Variants in IL2RB observed in about 807,000 individuals in gnomAD.
IL2RB encodes the protein interleukin-2 receptor subunit beta.
A neutral mutation model predicts 44.2 loss-of-function variants in IL2RB; 17 were observed. That is an observed-to-expected ratio of 0.38 (90% CI 0.26 to 0.58). IL2RB has a LOEUF of 0.58. Among genes scored for constraint, IL2RB ranks in the 20% least tolerant of loss-of-function variants. IL2RB has a pLI of 0.63. For missense variants in IL2RB, 624 were observed against 685.5 expected (o/e 0.91, Z 1.00); for synonymous variants, 286 against 297.9 (o/e 0.96, Z 0.41).
rs1017892718 is a variant in IL2RB, at chr22:37,136,286, G to A, written c.645C>T (p.Gly215=). The change falls in exon 7 of 10, where the codon GGC becomes GGT. Residue 215 remains glycine, a synonymous_variant. Coordinates refer to ENST00000216223, the MANE Select transcript of IL2RB (RefSeq NM_000878.5). ...EFQVRVKPLQ[G]EFTTWSPWSQ... ...TCCAGGGGCTCCAGGTCGTGAACTC[G>A]CCTTGCAGAGGCTTGACCCGCACCT... is the stretch of plus-strand genomic sequence containing the variant. 8 of 1,612,832 alleles carry A rather than the reference G, an allele frequency of 5.0e-6. No homozygotes were observed. The highest frequency in any genetic ancestry group is 2.2e-5 in the East Asian group (1 of 44,858).
At chr22:37,160,512 A>G (rs1922820946) in intron 1 of IL2RB, among the ~76,000 whole-genome samples, 1 of 152,230 alleles carries the variant, frequency 6.6e-6, no homozygotes, top group African/African-American at 2.4e-5. Flanking sequence ...CTCCAGCTAC[A>G]GGAGAAATGG....
chr22:37,143,719 C>A, intron 2 of IL2RB, 84 bp from the exon 3 acceptor site: 1 of 930,534 alleles, frequency 1.1e-6, no homozygotes, highest in Non-Finnish European at 1.8e-6. Context: ...GCACCTGGCA[C>A]CCACACCTGC....
In IL2RB at chr22:37,145,706, C is replaced by T. The variant is rs1387962740; in HGVS notation, c.-33-1501G>A. ...GCTTCCAGGGAAAGATGAGGGTAGC[C>T]TCAGTCAGAGGGGCAGGGGGAGAGG... On this transcript the variant is annotated intron_variant, in intron 1 of 9. Transcript: ENST00000216223. Among the ~76,000 whole-genome samples, 3 of 151,954 alleles carry T rather than the reference C, an allele frequency of 2.0e-5. 1 individual carries two copies. The highest frequency in any genetic ancestry group is 4.1e-4 in the South Asian group (2 of 4,820).
intron 1 of IL2RB, among the ~76,000 whole-genome samples, chr22:37,173,428 T>C (rs1923353257): frequency 6.6e-6 from 1 of 152,232 alleles, no homozygotes; most frequent in South Asian, 2.1e-4. Flanking sequence ...AATTATTGAT[T>C]GGGTAAACAA....
At chr22:37,153,932 C>G (rs115421838), upstream of IL2RB, among the ~76,000 whole-genome samples, 706 of 152,342 alleles carry the variant, frequency 4.6e-3, 8 homozygotes, top group African/African-American at 0.016. Flanking sequence ...CAGCATCAGT[C>G]TGCCTGGCAC....
intron 1 of IL2RB, among the ~76,000 whole-genome samples, chr22:37,174,738 T>C (rs2145746586): frequency 6.6e-6 from 1 of 152,322 alleles, no homozygotes; most frequent in East Asian, 1.9e-4. Context: ...AAATCCCAAG[T>C]CACAGCGATT....
At position 37,128,642 on chromosome 22, in the gene IL2RB, C is replaced by T. The variant is rs761319106; in HGVS notation, c.1110G>A (p.Pro370=). 2.5e-5 allele frequency: 41 copies of T among 1,613,972 alleles called. No homozygotes were observed. The highest frequency in any genetic ancestry group is 2.3e-4 in the African/African-American group (17 of 74,920). The change falls in exon 10 of 10, where the codon CCG becomes CCA. Residue 370 remains proline, a synonymous_variant. Coordinates refer to ENST00000216223, the MANE Select transcript of IL2RB (RefSeq NM_000878.5). This position sits in a 1 kb window ranked among gnomAD's most constrained non-coding sequence, Gnocchi z 4.5. ...GGCAGGCCTCTATCTCCAAGGCATC[C>T]GGGAGGTGGAAGAAGAAGTAACCCT... ...TNQGYFFFHL[P]DALEIEACQV... is the part of the protein sequence containing the mutation.
In IL2RB at chr22:37,142,901, C is replaced by T. The variant is rs1402140561; in HGVS notation, c.204-389G>A. Reference sequence around the variant, plus strand: ...ACCCAGAAGCCAGGGCCCGAACCTGCCTTACCCCTCCATCTCCCTCCCCAT... The same window carrying T: ...ACCCAGAAGCCAGGGCCCGAACCTGTCTTACCCCTCCATCTCCCTCCCCAT... On this transcript the variant is annotated intron_variant, in intron 3 of 9. Transcript: ENST00000216223. 13 of 363,226 alleles carry T rather than the reference C, an allele frequency of 3.6e-5. No homozygotes were observed. In the Admixed American group the frequency reaches 5.0e-4, roughly 14 times the overall value. 22.5% of individuals were successfully genotyped at this position (363,226 alleles called of 1,614,324 possible).
At chr22:37,174,565 C>G (rs568630406) in intron 1 of IL2RB, among the ~76,000 whole-genome samples, 1 of 152,316 alleles carries the variant, frequency 6.6e-6, no homozygotes, top group South Asian at 2.1e-4. Flanking sequence ...AAACCGGTTA[C>G]GTCATTCTTC....
At chr22:37,161,857 A>G (rs536311063) in intron 1 of IL2RB, 2 of 152,328 alleles carry the variant, frequency 1.3e-5, no homozygotes, top group African/African-American at 2.4e-5. Flanking sequence ...GGCTTCCCCA[A>G]TCAGAAGCCT....
Position 37,136,400 on chromosome 22 carries a change from C to T in IL2RB, c.538-7G>A, listed in dbSNP as rs1306348930. The T allele has an allele frequency of 6.9e-6, 11 of 1,605,234 alleles. No individual in the cohort carries two copies. The highest frequency in any genetic ancestry group is 3.4e-5 in the Admixed American group (2 of 59,128). On this transcript the variant is annotated splice_polypyrimidine_tract_variant and splice_region_variant and intron_variant, in intron 6 of 9. Transcript: ENST00000216223. ...GAGTCAGCAGGGGGGCCTCCTGGGTCGGAGACAGGACTGTCAGCGCCCACC... is the reference window on the plus strand; with the variant it reads ...GAGTCAGCAGGGGGGCCTCCTGGGTTGGAGACAGGACTGTCAGCGCCCACC...
chr22:37,142,384 G>A, intron 4 of IL2RB, 50 bp downstream of exon 4: 4 of 1,544,120 alleles, frequency 2.6e-6, no homozygotes, highest in South Asian at 1.1e-5. Flanking sequence ...GCAGCCCGGA[G>A]CTGGGAGACC....
At chr22:37,168,621 C>T (rs1031882676) in intron 1 of IL2RB, among the ~76,000 whole-genome samples, 4 of 152,204 alleles carry the variant, frequency 2.6e-5, no homozygotes, top group Non-Finnish European at 5.9e-5. Flanking sequence ...AGCCATCACC[C>T]ACAGTTCCTG....
At position 37,143,596 on chromosome 22, in the gene IL2RB, T is replaced by C. The variant is rs756309404; in HGVS notation, c.128A>G (p.Asn43Ser). The change falls in exon 3 of 10, where the codon AAC becomes AGC. Residue 43 changes from asparagine (N) to serine (S), a missense_variant. Asn to Ser is a conservative substitution (Grantham distance 46). Transcript: ENST00000216223. ...ATCTTGGCTCCAGACACAGGAGATG[T>C]TGGCTCTCGAGTTGTAGAAGCATGT... ...QFTCFYNSRA[N>S]ISCVWSQDGA... 6 of 1,614,050 alleles carry C rather than the reference T, an allele frequency of 3.7e-6. No individual in the cohort carries two copies. The highest frequency in any genetic ancestry group is 1.7e-5 in the Admixed American group (1 of 60,010).
rs763830083 is a variant in IL2RB, at chr22:37,142,493, C to G, written c.223G>C (p.Glu75Gln). 52 of 1,614,172 alleles carry G rather than the reference C, an allele frequency of 3.2e-5. No homozygotes were observed. The South Asian group carries it at 5.4e-4, about 17-fold the overall frequency. The change falls in exon 4 of 10, where the codon GAG (glutamate) becomes CAG (glutamine). Residue 75 changes from glutamate to glutamine, a missense_variant. Transcript: ENST00000216223. ...GATGCTTGACTCACGGGGAGCAGCT[C>G]ACAGGTTTGGTTCCACCGCCTTTCA... ...PDRRRWNQTC[E>Q]LLPVSQASWA...
At chr22:37,158,786 A>G (rs934996341) in intron 1 of IL2RB, among the ~76,000 whole-genome samples, 7 of 152,254 alleles carry the variant, frequency 4.6e-5, no homozygotes, top group Non-Finnish European at 7.3e-5. Flanking sequence ...CCACTCAGGC[A>G]GGAATCCCTG....
At chr22:37,140,623 G>C (rs1279977476) in intron 4 of IL2RB, among the ~76,000 whole-genome samples, 3 of 152,112 alleles carry the variant, frequency 2.0e-5, no homozygotes, top group Non-Finnish European at 4.4e-5. Flanking sequence ...GATTTTATCA[G>C]CTACACTGTG....
At chr22:37,168,424 C>T (rs1923151892) in intron 1 of IL2RB, among the ~76,000 whole-genome samples, 1 of 152,208 alleles carries the variant, frequency 6.6e-6, no homozygotes, top group Non-Finnish European at 1.5e-5. Flanking sequence ...GGCATCGGTG[C>T]TGTGGGCAGT....
intron 1 of IL2RB, among the ~76,000 whole-genome samples, chr22:37,169,308 G>A (rs529599351): frequency 1.5e-4 from 23 of 151,564 alleles, no homozygotes; most frequent in Non-Finnish European, 2.8e-4. Flanking sequence ...AGGGGTTCTT[G>A]TTTACACGTT....
Sources: allele counts gnomAD v4.1 joint callset (sites outside exome capture counted in the v4.1 genomes callset), GRCh38; gene constraint gnomAD v4.1.1; non-coding constraint Gnocchi (gnomAD v3.1); transcripts MANE v1.5; gene names NCBI Gene and HGNC (gene_info 2026-07-23, HGNC 2026-07-21).